The following COL27A1 variants were observed in gnomAD, a reference collection of about 807,000 sequenced individuals.
COL27A1 encodes collagen type XXVII alpha 1 chain.
In COL27A1, 106 loss-of-function variants were observed where a neutral mutation model predicts 251.3. That is an observed-to-expected ratio of 0.42 (90% CI 0.36 to 0.50). The LOEUF is 0.50. Ranked by LOEUF, COL27A1 falls within the 20% of genes least tolerant of loss-of-function variation. The pLI, the probability that COL27A1 is intolerant of heterozygous loss-of-function variation, is 0.00. For synonymous variants in COL27A1, 1,000 were observed against 986.3 expected, an observed-to-expected ratio of 1.01 and a Z score of -0.26; for missense variants, 2,325 against 2,522.8, an observed-to-expected ratio of 0.92 and a Z score of 1.68.
intron 36 of COL27A1, chr9:114,272,845 C>G (rs1212373493): frequency 6.6e-6 from 1 of 152,094 alleles, no homozygotes; most frequent in African/African-American, 2.4e-5. Flanking sequence ...AGGCATCGTC[C>G]CCTGAGCAGA....
Position 114,270,598 on chromosome 9 carries a change from GC to G in COL27A1, c.3556-125del. On this transcript the variant is annotated intron_variant, in intron 35 of 60. Transcript: ENST00000356083. ...TACCATGCACCCACTGTGTGCCAGG[GC>G]CCCCAGGGTCCCACTGCCTGGAGAT... 1.4e-5 allele frequency: 9 copies of G among 664,182 alleles called. No individual in the cohort carries two copies. The South Asian group carries it at 1.4e-4, about 10-fold the overall frequency. The allele number at this position is 664,182 out of a possible 1,614,324, so 41.1% of individuals were successfully genotyped here.
At chr9:114,216,738 A>G (rs753650813) in intron 12 of COL27A1, among the ~76,000 whole-genome samples, 5 of 152,090 alleles carry the variant, frequency 3.3e-5, no homozygotes, top group African/African-American at 4.8e-5. Flanking sequence ...AGATTCCTAG[A>G]GGTCATCTGC....
chr9:114,180,929 C>T lies in COL27A1; in HGVS notation c.1963-2093C>T, dbSNP rs111866493. Among the ~76,000 whole-genome samples the T allele has an allele frequency of 2.4e-4, 37 of 152,266 alleles. 1 individual carries two copies. The highest frequency in any genetic ancestry group is 7.7e-4 in the African/African-American group (32 of 41,556). On this transcript the variant is annotated intron_variant, in intron 4 of 60. Coordinates refer to ENST00000356083, the MANE Select transcript of COL27A1 (RefSeq NM_032888.4). ...CACCATCTGTGGGGCAGCTGGGGCA[C>T]GACTGGGGAGAGGCAGCCGCCCTTG... is the stretch of plus-strand genomic sequence containing the variant.
intron 21 of COL27A1, among the ~76,000 whole-genome samples, chr9:114,241,707 C>T (rs80319619): frequency 0.036 from 5,426 of 152,292 alleles, 119 homozygotes; most frequent in Middle Eastern, 0.075. Context: ...GGCACCATCC[C>T]GAGTGATGTT....
chr9:114,184,730 G>A (rs887817986), intron 5 of COL27A1, among the ~76,000 whole-genome samples: 2 of 152,314 alleles, frequency 1.3e-5, no homozygotes, highest in South Asian at 4.1e-4. Flanking sequence ...GAGATGGGTG[G>A]AGATACCGTA....
intron 5 of COL27A1, among the ~76,000 whole-genome samples, chr9:114,193,553 A>G (rs887325906): frequency 2.6e-5 from 4 of 152,046 alleles, no homozygotes; most frequent in Admixed American, 6.5e-5. Flanking sequence ...AGCTCTGCCA[A>G]TGCTTCATCT....
At chr9:114,190,231 A>G (rs1024590512) in intron 5 of COL27A1, among the ~76,000 whole-genome samples, 1 of 152,212 alleles carries the variant, frequency 6.6e-6, no homozygotes, top group African/African-American at 2.4e-5. Flanking sequence ...CAAGGATGAC[A>G]TATATAGGAG....
At chr9:114,231,263 G>A (rs1831930956) in intron 15 of COL27A1, 131 bp downstream of exon 15, 5 of 852,404 alleles carry the variant, frequency 5.9e-6, no homozygotes, top group Non-Finnish European at 9.4e-6. Context: ...TCAGAGGGGT[G>A]CTAGGAGGAA....
At chr9:114,217,932 G>A (rs1201067236) in intron 12 of COL27A1, 1 of 420,816 alleles carries the variant, frequency 2.4e-6, no homozygotes, top group Non-Finnish European at 4.8e-6. Flanking sequence ...TGGGCAACAT[G>A]GAGAAACCCC....
chr9:114,281,466 G>A (rs942989747), intron 37 of COL27A1, among the ~76,000 whole-genome samples: 1 of 152,254 alleles, frequency 6.6e-6, no homozygotes, highest in Non-Finnish European at 1.5e-5. Flanking sequence ...CTGTGGGGCA[G>A]GGGCAGAGTG....
At chr9:114,276,262 G>A (rs1362212315) in intron 37 of COL27A1, among the ~76,000 whole-genome samples, 1 of 152,212 alleles carries the variant, frequency 6.6e-6, no homozygotes, top group Non-Finnish European at 1.5e-5. Flanking sequence ...TTCAGTGTAT[G>A]TCTTGGCTCC....
intron 29 of COL27A1, 46 bp from the exon 30 acceptor site, chr9:114,264,878 C>T: frequency 6.3e-7 from 1 of 1,578,662 alleles, no homozygotes. Context: ...GGGGAACGGT[C>T]CTCCCAAGCA....
intron 4 of COL27A1, among the ~76,000 whole-genome samples, chr9:114,180,789 T>G (rs1222512108): frequency 6.6e-6 from 1 of 152,106 alleles, no homozygotes; most frequent in African/African-American, 2.4e-5. Context: ...TGGCTTTCAG[T>G]CAACTATGTG....
In COL27A1 at chr9:114,167,725, C is replaced by A. The variant is rs150242638; in HGVS notation, c.170C>A (p.Thr57Lys). The change falls in exon 3 of 61, where the codon ACG (threonine) becomes AAG (lysine). Residue 57 changes from threonine to lysine, a missense_variant. Transcript: ENST00000356083. ...CTCCAGCGGCTGGGCCTCAGCTGGA[C>A]GAAGGCCGGGAGCCCTGCACCCCCG... is the stretch of plus-strand genomic sequence containing the variant. ...DILQRLGLSW[T>K]KAGSPAPPGV... 5.0e-6 allele frequency: 8 copies of A among 1,613,252 alleles called. No individual in the cohort carries two copies. Among genetic ancestry groups the A allele is most frequent in the Non-Finnish European group, 6.8e-6 (8 of 1,179,656 alleles).
intron 15 of COL27A1, among the ~76,000 whole-genome samples, chr9:114,231,503 A>G (rs1831950275): frequency 6.6e-6 from 1 of 152,206 alleles, no homozygotes; most frequent in African/African-American, 2.4e-5. Flanking sequence ...AGGCAGGCCA[A>G]GACTGCTAGA....
intron 17 of COL27A1, 48 bp from the exon 18 acceptor site, chr9:114,236,933 G>A (rs371154706): frequency 1.2e-4 from 197 of 1,587,946 alleles, no homozygotes; most frequent in Non-Finnish European, 1.5e-4. Flanking sequence ...TGTTCACCTG[G>A]CCATTTCTCT....
Position 114,205,134 on chromosome 9 carries a change from C to T in COL27A1, c.2157C>T (p.His719=), listed in dbSNP as rs140601688. ...GHKGYPGPAG[H]PGEQGQPGPE... ...AGGGCTATCCTGGACCGGCAGGGCA[C>T]CCCGGAGAACAGGTGAGGGCCTCAG... The change falls in exon 8 of 61, where the codon CAC becomes CAT. Residue 719 remains histidine, a synonymous_variant. Transcript: ENST00000356083. 15 of 1,613,318 alleles carry T rather than the reference C, an allele frequency of 9.3e-6. No homozygotes were observed. The African/African-American group carries it at 1.7e-4, about 19-fold the overall frequency.
At chr9:114,230,723 G>A (rs374247577) in intron 14 of COL27A1, among the ~76,000 whole-genome samples, 77 of 152,224 alleles carry the variant, frequency 5.1e-4, no homozygotes, top group African/African-American at 1.7e-3. Flanking sequence ...CAGCAGCTCC[G>A]GGGGGACAGA....
chr9:114,205,405 C>T (rs1829882082), intron 8 of COL27A1, among the ~76,000 whole-genome samples: 1 of 152,264 alleles, frequency 6.6e-6, no homozygotes, highest in East Asian at 1.9e-4. Flanking sequence ...CCATGAATAG[C>T]TGGCCTGTTC....
Sources: allele counts gnomAD v4.1 joint callset (sites outside exome capture counted in the v4.1 genomes callset), GRCh38; gene constraint gnomAD v4.1.1; transcripts MANE v1.5; gene names NCBI Gene and HGNC (gene_info 2026-07-23, HGNC 2026-07-21).